NOL4L: variants seen among roughly 807,000 people sequenced by gnomAD.
NOL4L encodes nucleolar protein 4 like.
Under a neutral mutation model 64.5 loss-of-function variants are expected in NOL4L, and 7 were observed. The observed-to-expected ratio is 0.11, with a 90% CI of 0.06 to 0.20. NOL4L has a LOEUF of 0.20. NOL4L is among the 10% of genes least tolerant of loss of function. The probability of loss-of-function intolerance (pLI) is 1.00; values close to 1 mark genes in which losing one functional copy is unlikely to be tolerated. For synonymous variants in NOL4L, 413 were observed against 401.0 expected, an observed-to-expected ratio of 1.03 and a Z score of -0.36; for missense variants, 680 against 967.1, an observed-to-expected ratio of 0.70 and a Z score of 3.94.
intron 1 of NOL4L, among the ~76,000 whole-genome samples, chr20:32,578,854 C>A (rs1375710445): frequency 6.6e-6 from 1 of 152,222 alleles, no homozygotes; most frequent in African/African-American, 2.4e-5. Context: ...TCTCCCAGGA[C>A]CTTCCCGCCC....
At chr20:32,456,794 C>T (rs2013582301) in intron 5 of NOL4L, among the ~76,000 whole-genome samples, 1 of 152,240 alleles carries the variant, frequency 6.6e-6, no homozygotes, top group African/African-American at 2.4e-5. Context: ...AGGACCGCAC[C>T]TCCCACCCAC....
intron 2 of NOL4L, among the ~76,000 whole-genome samples, chr20:32,526,532 G>C (rs1177094185): frequency 6.6e-6 from 1 of 151,696 alleles, no homozygotes; most frequent in South Asian, 2.1e-4. Context: ...TGGGCCATAA[G>C]GGGAAATTAT....
intron 1 of NOL4L, among the ~76,000 whole-genome samples, chr20:32,532,147 C>G (rs531371180): frequency 1.3e-5 from 2 of 152,330 alleles, no homozygotes; most frequent in East Asian, 3.8e-4. Context: ...CAAAATTATT[C>G]AGGGAAGCAG....
chr20:32,576,501 A>C (rs763475906), intron 1 of NOL4L, among the ~76,000 whole-genome samples: 7 of 152,074 alleles, frequency 4.6e-5, no homozygotes, highest in Non-Finnish European at 7.4e-5. Context: ...TAAATGAATG[A>C]CCTGGGCTTG....
chr20:32,545,488 T>A lies in NOL4L; in HGVS notation c.322-17575A>T, dbSNP rs145857295. Among the ~76,000 whole-genome samples the A allele has an allele frequency of 6.0e-3, 920 of 152,264 alleles. 10 individuals are homozygous for A. Among genetic ancestry groups the A allele is most frequent in the African/African-American group, 0.021 (890 of 41,542 alleles). On this transcript the variant is annotated intron_variant, in intron 1 of 10. Transcript: ENST00000621426. ...CGACTGGACTGAAAGCAAGTGTGTGTCTAGGGCCCCCTGGAGAGCCAGGGC... is the reference window on the plus strand; with the variant it reads ...CGACTGGACTGAAAGCAAGTGTGTGACTAGGGCCCCCTGGAGAGCCAGGGC...
chr20:32,455,368 A>C (rs1265759638), intron 6 of NOL4L, among the ~76,000 whole-genome samples: 1 of 152,274 alleles, frequency 6.6e-6, no homozygotes, highest in East Asian at 1.9e-4. Flanking sequence ...CCCATGGTAC[A>C]GAATGTCCCC....
At chr20:32,545,866 A>T (rs966005322) in intron 1 of NOL4L, among the ~76,000 whole-genome samples, 1 of 147,110 alleles carries the variant, frequency 6.8e-6, no homozygotes, top group African/African-American at 2.6e-5. Flanking sequence ...TTGGATTGCC[A>T]TTATTCTTGT....
intron 4 of NOL4L, chr20:32,475,279 C>T: frequency 3.0e-6 from 3 of 985,482 alleles, no homozygotes; most frequent in Non-Finnish European, 3.6e-6. Context: ...TGTCTTCCTC[C>T]TTCCTAACCT....
At chr20:32,563,933 G>A (rs560969466) in intron 1 of NOL4L, among the ~76,000 whole-genome samples, 3 of 152,354 alleles carry the variant, frequency 2.0e-5, no homozygotes, top group African/African-American at 2.4e-5. Flanking sequence ...TTAGCCAGGC[G>A]GCTCCTGCCT....
chr20:32,571,658 G>A (rs1212416177), intron 1 of NOL4L, among the ~76,000 whole-genome samples: 1 of 152,086 alleles, frequency 6.6e-6, no homozygotes, highest in African/African-American at 2.4e-5. Context: ...GAGGCTTTCC[G>A]TGCTTCCTCC....
In NOL4L at chr20:32,456,200, C is replaced by T; in HGVS notation, c.1037G>A (p.Gly346Asp). The change falls in exon 6 of 11, where the codon GGC becomes GAC. Residue 346 changes from glycine to aspartate, a missense_variant. Gly to Asp is a moderately conservative substitution (Grantham distance 94). This residue lies in a region of NOL4L where 254 missense variants were observed against 238.7 expected (regional missense o/e 1.06). Coordinates refer to ENST00000621426, the MANE Select transcript of NOL4L (RefSeq NM_001256798.2). Reference sequence around the variant, plus strand: ...GCCATCCGAGGGGTAGGAGGCTGTGCCAAGTGCCGTGGCCGGCGGGAGCTT... The same window carrying T: ...GCCATCCGAGGGGTAGGAGGCTGTGTCAAGTGCCGTGGCCGGCGGGAGCTT... The part of the protein sequence containing the change: ...CDKLPPATAL[G>D]TASYPSDGCG... The T allele has an allele frequency of 1.2e-6, 2 of 1,606,834 alleles. No homozygotes were observed. The highest frequency in any genetic ancestry group is 1.7e-6 in the Non-Finnish European group (2 of 1,176,808).
rs41289864 is a variant in NOL4L at position 32,535,489 on chromosome 20, C to A, written c.322-7576G>T. The A allele has an allele frequency of 6.2e-3, 4,243 of 682,008 alleles. 23 individuals are homozygous for A. Among genetic ancestry groups the A allele is most frequent in the Middle Eastern group, 7.4e-3 (10 of 1,358 alleles). 42.2% of individuals were successfully genotyped at this position (682,008 alleles called of 1,614,324 possible). On this transcript the variant is annotated intron_variant, in intron 1 of 10. Transcript: ENST00000621426. ...TCTCCAACTGTTAGCGCGTAGCTGCCGCCGCCACCGCCACCACCGAGTCGC... is the reference window on the plus strand; with the variant it reads ...TCTCCAACTGTTAGCGCGTAGCTGCAGCCGCCACCGCCACCACCGAGTCGC...
chr20:32,523,033 T>C (rs2017999770), intron 2 of NOL4L, among the ~76,000 whole-genome samples: 1 of 152,162 alleles, frequency 6.6e-6, no homozygotes. Flanking sequence ...GGCAGGGCCC[T>C]TCTTGCTGCC....
intron 2 of NOL4L, among the ~76,000 whole-genome samples, chr20:32,521,884 A>G (rs1355270754): frequency 1.3e-5 from 2 of 152,122 alleles, no homozygotes. Context: ...GCACCTCTCC[A>G]CTAAGGGGCA....
chr20:32,506,446 G>A (rs1390788010), intron 4 of NOL4L, among the ~76,000 whole-genome samples: 4 of 152,062 alleles, frequency 2.6e-5, no homozygotes, highest in Non-Finnish European at 4.4e-5. Flanking sequence ...CGGATCACCT[G>A]AGGTCAGGAG....
chr20:32,568,687 C>T (rs768096261), intron 1 of NOL4L, among the ~76,000 whole-genome samples: 1 of 152,248 alleles, frequency 6.6e-6, no homozygotes, highest in South Asian at 2.1e-4. Flanking sequence ...ACCGCCTGTG[C>T]CCCTGCCCGA....
chr20:32,536,767 G>T (rs1183725990), intron 1 of NOL4L, among the ~76,000 whole-genome samples: 3 of 140,790 alleles, frequency 2.1e-5, no homozygotes, highest in African/African-American at 7.6e-5. Context: ...AGTGCAGGGG[G>T]GACGGCTCCG....
chr20:32,508,060 G>A (rs969471188), intron 4 of NOL4L, among the ~76,000 whole-genome samples: 9 of 152,138 alleles, frequency 5.9e-5, no homozygotes, highest in African/African-American at 1.4e-4. Context: ...CCTGGTTACC[G>A]GTTACTTTAG....
intron 1 of NOL4L, among the ~76,000 whole-genome samples, chr20:32,553,119 A>G (rs1978411853): frequency 6.6e-6 from 1 of 152,084 alleles, no homozygotes; most frequent in African/African-American, 2.4e-5. Context: ...CCCCATTTCC[A>G]CCAGCAAATC....
Sources: allele counts gnomAD v4.1 joint callset (sites outside exome capture counted in the v4.1 genomes callset), GRCh38; gene constraint gnomAD v4.1.1; regional missense constraint gnomAD v4.1.1; transcripts MANE v1.5; gene names NCBI Gene and HGNC (gene_info 2026-07-23, HGNC 2026-07-21).